HLCS: variants seen among roughly 807,000 people sequenced by gnomAD.
HLCS encodes the protein holocarboxylase synthetase.
In HLCS, 53 loss-of-function variants were observed where a neutral mutation model predicts 75.0. That is an observed-to-expected ratio of 0.71 (90% confidence interval 0.57 to 0.89). The LOEUF (loss-of-function observed/expected upper bound fraction) is 0.89, where lower values mean the gene tolerates loss of function less well. HLCS is among the 40% of genes least tolerant of loss of function. The pLI, the probability that HLCS is intolerant of heterozygous loss-of-function variation, is 0.00. For missense variants in HLCS, 966 were observed against 1,074.0 expected (o/e 0.90, Z 1.41); for synonymous variants, 431 against 428.6 (o/e 1.01, Z -0.07).
At chr21:36,921,967 G>GT (rs2066189735) in intron 5 of HLCS, among the ~76,000 whole-genome samples, 1 of 152,092 alleles carries the variant, frequency 6.6e-6, no homozygotes, top group Non-Finnish European at 1.5e-5. Context: ...TGTAGTTCTG[G>GT]TTAAAACAGA....
At chr21:36,760,374 G>C (rs985904912) in intron 8 of HLCS, among the ~76,000 whole-genome samples, 1 of 152,188 alleles carries the variant, frequency 6.6e-6, no homozygotes, top group Non-Finnish European at 1.5e-5. Flanking sequence ...ACTTTGGGAG[G>C]CTGAGGCGGG....
At chr21:36,981,705 C>T (rs1204420890) in intron 1 of HLCS, among the ~76,000 whole-genome samples, 1 of 151,998 alleles carries the variant, frequency 6.6e-6, no homozygotes, top group Admixed American at 6.6e-5. Flanking sequence ...CGGCCTTAAC[C>T]TTCCTTTTCT....
intron 4 of HLCS, among the ~76,000 whole-genome samples, chr21:36,933,787 C>T (rs2066756343): frequency 6.6e-6 from 1 of 152,024 alleles, no homozygotes; most frequent in South Asian, 2.1e-4. Context: ...GAGGGGTGCT[C>T]GACTGAATGC....
At chr21:36,952,192 T>C (rs941015625) in intron 2 of HLCS, among the ~76,000 whole-genome samples, 2 of 152,144 alleles carry the variant, frequency 1.3e-5, no homozygotes, top group African/African-American at 2.4e-5. Flanking sequence ...AGGTAGAACA[T>C]ACACACACAG....
intron 6 of HLCS, among the ~76,000 whole-genome samples, chr21:36,865,817 G>C (rs1410248625): frequency 6.6e-6 from 1 of 152,068 alleles, no homozygotes; most frequent in African/African-American, 2.4e-5. Context: ...GTAAGCAGGT[G>C]GCCCCAGCAA....
rs1004263708 is a variant in HLCS, at chr21:36,753,716, T to C, written c.*530A>G. The C allele has an allele frequency of 3.5e-5, 6 of 172,788 alleles. No homozygotes were observed. Among genetic ancestry groups the C allele is most frequent in the African/African-American group, 1.4e-4 (6 of 41,610 alleles). 10.7% of individuals were successfully genotyped at this position (172,788 alleles called of 1,614,324 possible). A position where few individuals can be genotyped will look rare whatever the true frequency, so the allele number is the denominator to read the frequency against. ...ACACCACCGGGTGGACAGTAACTCT[T>C]GGAAGTCTGTCTTCCCTTTTCTTCA... On this transcript the variant is annotated 3_prime_UTR_variant, in exon 11 of 11. Coordinates refer to ENST00000674895, the MANE Select transcript of HLCS (RefSeq NM_001352514.2). The surrounding 1 kb of genome is among the most constrained non-coding windows in gnomAD (Gnocchi z 4.3).
At chr21:36,868,025 G>T (rs1417610905) in intron 6 of HLCS, among the ~76,000 whole-genome samples, 1 of 152,000 alleles carries the variant, frequency 6.6e-6, no homozygotes, top group East Asian at 1.9e-4. Context: ...GGTGGCACAC[G>T]CCTGTAATCC....
chr21:36,957,472 T>C (rs1437931343), intron 2 of HLCS, among the ~76,000 whole-genome samples: 2 of 152,194 alleles, frequency 1.3e-5, no homozygotes, highest in Non-Finnish European at 2.9e-5. Flanking sequence ...AACTGCCTAA[T>C]ACAGTTACCA....
chr21:36,828,405 G>GT (rs933230317), intron 6 of HLCS, among the ~76,000 whole-genome samples: 33 of 142,740 alleles, frequency 2.3e-4, no homozygotes, highest in African/African-American at 8.7e-4. Context: ...GAATGAATGA[G>GT]TGAATAAATG....
intron 6 of HLCS, among the ~76,000 whole-genome samples, chr21:36,831,511 C>G (rs546625227): frequency 1.3e-5 from 2 of 152,116 alleles, no homozygotes; most frequent in Non-Finnish European, 2.9e-5. Flanking sequence ...GAAACCCTGT[C>G]TCTACTAAAA....
At position 36,750,920 on chromosome 21, in the gene HLCS, T is replaced by C. The variant is rs1013181283; in HGVS notation, c.*3326A>G. 2.0e-5 allele frequency: 3 copies of C among 152,062 alleles called. No individual in the cohort carries two copies. Among genetic ancestry groups the C allele is most frequent in the African/African-American group, 7.2e-5 (3 of 41,400 alleles). 9.4% of individuals were successfully genotyped at this position (152,062 alleles called of 1,614,324 possible). A position where few individuals can be genotyped will look rare whatever the true frequency, so the allele number is the denominator to read the frequency against. On this transcript the variant is annotated 3_prime_UTR_variant, in exon 11 of 11. Coordinates refer to ENST00000674895, the MANE Select transcript of HLCS (RefSeq NM_001352514.2). The stretch of plus-strand genomic sequence containing the variant: ...ACATTAAATTTATTTCTCACCTCCA[T>C]TAAAAGGGTTTTTGCTTTGGAGTTT...
intron 2 of HLCS, among the ~76,000 whole-genome samples, chr21:36,951,229 G>C (rs374881336): frequency 1.3e-5 from 2 of 152,166 alleles, no homozygotes; most frequent in South Asian, 2.1e-4. Flanking sequence ...ACCATATCAG[G>C]GTAATTTCCC....
At chr21:36,955,974 T>C (rs966990881) in intron 2 of HLCS, among the ~76,000 whole-genome samples, 2 of 152,140 alleles carry the variant, frequency 1.3e-5, no homozygotes, top group African/African-American at 2.4e-5. Flanking sequence ...CTAGGAGCAA[T>C]AGGCTACCCC....
At position 36,819,973 on chromosome 21, in the gene HLCS, T is replaced by C. The variant is rs561333759; in HGVS notation, c.1893-52688A>G. Among the ~76,000 whole-genome samples, 536 of 152,322 alleles carry C rather than the reference T, an allele frequency of 3.5e-3. 4 individuals carry two copies. Among genetic ancestry groups the C allele is most frequent in the Middle Eastern group, 0.031 (9 of 294 alleles). ...ATAAATAAAAAAGAGCCATCCTACC[T>C]AAGCCAGATAAAGTGCACTCACAGG... On this transcript the variant is annotated intron_variant, in intron 6 of 10. Transcript: ENST00000674895.
intron 5 of HLCS, among the ~76,000 whole-genome samples, chr21:36,913,767 A>G (rs896128412): frequency 6.6e-6 from 1 of 152,220 alleles, no homozygotes; most frequent in African/African-American, 2.4e-5. Flanking sequence ...ATCTTAAAAA[A>G]AAAGAAACTT....
intron 8 of HLCS, among the ~76,000 whole-genome samples, chr21:36,762,208 G>C (rs1401045567): frequency 6.6e-6 from 1 of 152,202 alleles, no homozygotes; most frequent in Admixed American, 6.5e-5. Context: ...AGCCACACGT[G>C]GTGGATACCC....
chr21:36,792,698 G>A (rs1174554156), intron 6 of HLCS, among the ~76,000 whole-genome samples: 2 of 152,160 alleles, frequency 1.3e-5, no homozygotes, highest in Admixed American at 1.3e-4. Context: ...GGCATGCCCA[G>A]TACCTATGAC....
chr21:36,869,719 G>T lies in HLCS; in HGVS notation c.1892+27141C>A, dbSNP rs567599007. Among the ~76,000 whole-genome samples the T allele has an allele frequency of 3.3e-5, 5 of 152,194 alleles. No homozygotes were observed. In the South Asian group the frequency reaches 8.3e-4, roughly 25 times the overall value. ...CCACCCTAAAATAAATTTTCTTCTAGATACCATATCCTTATTTTGTTAATC... is the reference window on the plus strand; with the variant it reads ...CCACCCTAAAATAAATTTTCTTCTATATACCATATCCTTATTTTGTTAATC... On this transcript the variant is annotated intron_variant, in intron 6 of 10. Coordinates refer to ENST00000674895, the MANE Select transcript of HLCS (RefSeq NM_001352514.2).
At position 36,938,985 on chromosome 21, in the gene HLCS, A is replaced by G. The variant is rs746891896; in HGVS notation, c.340T>C (p.Trp114Arg). Residue 114 changes from tryptophan (W) to arginine (R), a missense_variant, in exon 3 of 11, where the codon TGG (tryptophan) becomes CGG (arginine). Coordinates refer to ENST00000674895, the MANE Select transcript of HLCS (RefSeq NM_001352514.2). ...GCTAATGGCAAACAACAGTCTGACC[A>G]CTTGACAATCTGAGAAAAAGCAGGA... ...RSSSSETIVK[W>R]SDCCLPLACR... is the part of the protein sequence containing the mutation. 4 of 1,607,324 alleles carry G rather than the reference A, an allele frequency of 2.5e-6. No individual in the cohort carries two copies. In the African/African-American group the frequency reaches 5.3e-5, roughly 21 times the overall value.
Sources: allele counts gnomAD v4.1 joint callset (sites outside exome capture counted in the v4.1 genomes callset), GRCh38; gene constraint gnomAD v4.1.1; non-coding constraint Gnocchi (gnomAD v3.1); transcripts MANE v1.5; gene names NCBI Gene and HGNC (gene_info 2026-07-23, HGNC 2026-07-21).